VCPIP1: variants seen among roughly 807,000 people sequenced by gnomAD.
The protein encoded by VCPIP1 is deubiquitinating protein VCPIP1.
In VCPIP1, 8 loss-of-function variants were observed where a neutral mutation model predicts 85.0. The observed-to-expected ratio is 0.09, with a 90% CI of 0.06 to 0.17. The LOEUF (loss-of-function observed/expected upper bound fraction) is 0.17. Ranked by LOEUF, VCPIP1 falls within the 10% of genes least tolerant of loss-of-function variation. The pLI, the probability that VCPIP1 is intolerant of heterozygous loss-of-function variation, is 1.00. For synonymous variants in VCPIP1, 543 were observed against 544.5 expected, an observed-to-expected ratio of 1.00 and a Z score of 0.04; for missense variants, 1,070 against 1,486.3, an observed-to-expected ratio of 0.72 and a Z score of 4.61.
In VCPIP1 at chr8:66,665,363, C is replaced by A; in HGVS notation, c.1596G>T (p.Met532Ile). Reference protein sequence around the residue: ...VKDVLVPDYGMSNLTACNWCH... With the variant: ...VKDVLVPDYGISNLTACNWCH... The stretch of plus-strand genomic sequence containing the variant: ...ACCAATTACAAGCTGTTAGGTTACT[C>A]ATTCCATAGTCTGGTACCAGAACAT... The change falls in exon 1 of 3, where the codon ATG (methionine) becomes ATT (isoleucine). Residue 532 changes from methionine (M) to isoleucine (I), a missense_variant. By Grantham distance (10) the Met-to-Ile change is conservative (BLOSUM62 1). Coordinates refer to ENST00000310421, the MANE Select transcript of VCPIP1 (RefSeq NM_025054.5). The surrounding 1 kb of genome is among the most constrained non-coding windows in gnomAD (Gnocchi z 4.3). 1 of 1,614,142 alleles carries A rather than the reference C, an allele frequency of 6.2e-7. No individual in the cohort carries two copies. Among genetic ancestry groups the A allele is most frequent in the Non-Finnish European group, 8.5e-7 (1 of 1,179,986 alleles).
rs750894538 is a variant in VCPIP1 at position 66,638,936 on chromosome 8, TTCTCTCTCTCTC to T, written c.2798-3576_2798-3565del. Among the ~76,000 whole-genome samples, 346 of 131,674 alleles carry T rather than the reference TTCTCTCTCTCTC, an allele frequency of 2.6e-3. 5 individuals are homozygous for T. The highest frequency in any genetic ancestry group is 9.1e-3 in the African/African-American group (288 of 31,704). 86.4% of individuals were successfully genotyped at this position (131,674 alleles called of 152,430 possible). On this transcript the variant is annotated intron_variant, in intron 2 of 2. Coordinates refer to ENST00000310421, the MANE Select transcript of VCPIP1 (RefSeq NM_025054.5). ...CTGTACAAAAACCTGCAAGAAAACT[TTCTCTCTCTCTC>T]TCTCTCTCTCTCTCTCTCTCTCTAT... is the stretch of plus-strand genomic sequence containing the variant.
chr8:66,665,611 G>C lies in VCPIP1; in HGVS notation c.1348C>G (p.Pro450Ala), dbSNP rs1244596232. ...TTAGCAGCTGCTGTGACTTCCTCAGGCTGAACTCCTATCACTCCAGTCCTT... is the reference window on the plus strand; with the variant it reads ...TTAGCAGCTGCTGTGACTTCCTCAGCCTGAACTCCTATCACTCCAGTCCTT... Reference protein sequence around the residue: ...YRRTGVIGVQPEEVTAAAKKA... With the variant: ...YRRTGVIGVQAEEVTAAAKKA... Residue 450 changes from proline to alanine, a missense_variant, in exon 1 of 3, where the codon CCT becomes GCT. By Grantham distance (27) the Pro-to-Ala change is conservative. Coordinates refer to ENST00000310421, the MANE Select transcript of VCPIP1 (RefSeq NM_025054.5). This position sits in a 1 kb window ranked among gnomAD's most constrained non-coding sequence, Gnocchi z 4.3. The C allele has an allele frequency of 5.0e-6, 8 of 1,614,134 alleles. No individual in the cohort carries two copies. The highest frequency in any genetic ancestry group is 6.8e-6 in the Non-Finnish European group (8 of 1,180,022).
At position 66,634,533 on chromosome 8, in the gene VCPIP1, T is replaced by C. The variant is rs762730114; in HGVS notation, c.3637A>G (p.Thr1213Ala). The change falls in exon 3 of 3, where the codon ACT becomes GCT. Residue 1213 changes from threonine (T) to alanine (A), a missense_variant. By Grantham distance (58) the Thr-to-Ala change is moderately conservative. Coordinates refer to ENST00000310421, the MANE Select transcript of VCPIP1 (RefSeq NM_025054.5). ...EEMDSQDAEM[T>A]NTTEPMDHS ...TGATCCATTGGCTCAGTTGTGTTAG[T>C]CATCTCAGCATCTTGACTATCCATC... 1.2e-6 allele frequency: 2 copies of C among 1,609,614 alleles called. No homozygotes were observed. The highest frequency in any genetic ancestry group is 4.5e-5 in the East Asian group (2 of 44,870).
intron 2 of VCPIP1, among the ~76,000 whole-genome samples, chr8:66,638,936 T>TTCTCTCTCTCTCTC (rs750894538): frequency 2.7e-4 from 35 of 131,650 alleles, no homozygotes; most frequent in African/African-American, 5.0e-4. Context: ...CAAGAAAACT[T>TTCTCTCTCTCTCTC]TCTCTCTCTC....
intron 1 of VCPIP1, among the ~76,000 whole-genome samples, chr8:66,656,624 T>C (rs999782013): frequency 1.6e-4 from 25 of 152,282 alleles, no homozygotes; most frequent in Non-Finnish European, 2.6e-4. Flanking sequence ...ATTTATTTAT[T>C]TTTGAGACAG....
intron 1 of VCPIP1, among the ~76,000 whole-genome samples, chr8:66,662,015 C>G (rs1811163099): frequency 6.6e-6 from 1 of 151,904 alleles, no homozygotes; most frequent in Admixed American, 6.6e-5. Flanking sequence ...GATCTGCCCG[C>G]CTCAGCCTCC....
chr8:66,637,068 C>T (rs903205362), intron 2 of VCPIP1, among the ~76,000 whole-genome samples: 4 of 152,116 alleles, frequency 2.6e-5, no homozygotes, highest in Non-Finnish European at 4.4e-5. Context: ...TCCAGCCAGG[C>T]GTGGTGGCTC....
At chr8:66,643,344 T>TA (rs1419609516) in intron 2 of VCPIP1, among the ~76,000 whole-genome samples, 5 of 144,168 alleles carry the variant, frequency 3.5e-5, no homozygotes, top group Non-Finnish European at 7.7e-5. Context: ...AAAAAGATGT[T>TA]AAAAAAAAGG....
At chr8:66,662,425 A>G (rs1461746924) in intron 1 of VCPIP1, among the ~76,000 whole-genome samples, 1 of 152,078 alleles carries the variant, frequency 6.6e-6, no homozygotes, top group African/African-American at 2.4e-5. Context: ...ACTTTTTTCA[A>G]TGTTCAGTGC....
chr8:66,659,252 A>G (rs950654945), intron 1 of VCPIP1, among the ~76,000 whole-genome samples: 2 of 150,400 alleles, frequency 1.3e-5, no homozygotes, highest in Non-Finnish European at 1.5e-5. Flanking sequence ...ACTGGAGTGC[A>G]GTGGCGCAAT....
chr8:66,652,010 CAAAAAA>C lies in VCPIP1; in HGVS notation c.2711-472_2711-467del, dbSNP rs113576250. Among the ~76,000 whole-genome samples, 3 of 73,552 alleles carry C rather than the reference CAAAAAA, an allele frequency of 4.1e-5. No individual in the cohort carries two copies. The South Asian group carries it at 1.2e-3, about 28-fold the overall frequency. 48.3% of individuals were successfully genotyped at this position (73,552 alleles called of 152,430 possible). On this transcript the variant is annotated intron_variant, in intron 1 of 2. Coordinates refer to ENST00000310421, the MANE Select transcript of VCPIP1 (RefSeq NM_025054.5). ...GCAACATGGCGAAACTCTATCTCTA[CAAAAAA>C]AAAAAAAAAAAATAGCTGGACGTGG...
chr8:66,640,157 A>C (rs891699539), intron 2 of VCPIP1, among the ~76,000 whole-genome samples: 2 of 152,202 alleles, frequency 1.3e-5, no homozygotes, highest in Admixed American at 6.5e-5. Context: ...AAATATCAGA[A>C]AAAAATTCTA....
intron 2 of VCPIP1, among the ~76,000 whole-genome samples, chr8:66,645,829 G>A (rs1810990291): frequency 6.6e-6 from 1 of 151,744 alleles, no homozygotes; most frequent in South Asian, 2.1e-4. Flanking sequence ...TACTCAGAAG[G>A]CCAAGGTGGG....
At chr8:66,655,290 AT>A (rs1811088903) in intron 1 of VCPIP1, among the ~76,000 whole-genome samples, 1 of 152,204 alleles carries the variant, frequency 6.6e-6, no homozygotes, top group Non-Finnish European at 1.5e-5. Context: ...GGTTGAATGA[AT>A]GTATAGATGC....
At chr8:66,649,148 C>A (rs1449357661) in intron 2 of VCPIP1, among the ~76,000 whole-genome samples, 2 of 151,598 alleles carry the variant, frequency 1.3e-5, no homozygotes, top group African/African-American at 4.9e-5. Context: ...CCAGCCTGGG[C>A]AACAGAGCAA....
chr8:66,650,860 CAAAAAAAAAAAAAAAAA>C (rs770736039), intron 2 of VCPIP1, among the ~76,000 whole-genome samples: 2 of 13,916 alleles, frequency 1.4e-4, no homozygotes, highest in Non-Finnish European at 2.9e-4. Flanking sequence ...GACTTCGTCT[CAAAAAAAAAAAAAAAAA>C]AAAAAAAAAA....
chr8:66,644,794 T>TA (rs112573575), intron 2 of VCPIP1, among the ~76,000 whole-genome samples: 3,909 of 137,410 alleles, frequency 0.028, 161 homozygotes, highest in African/African-American at 0.088. Context: ...AAGGGCAATG[T>TA]AAAAAAAAAA....
At chr8:66,662,041 A>T (rs1811163275) in intron 1 of VCPIP1, among the ~76,000 whole-genome samples, 1 of 151,970 alleles carries the variant, frequency 6.6e-6, no homozygotes, top group South Asian at 2.1e-4. Context: ...TGCTGGGATT[A>T]CAGGCATGAG....
chr8:66,662,288 A>T (rs1325684861), intron 1 of VCPIP1, among the ~76,000 whole-genome samples: 1 of 152,200 alleles, frequency 6.6e-6, no homozygotes, highest in Admixed American at 6.5e-5. Context: ...CACAGTCAGG[A>T]TTGTTCAAAT....
Sources: gnomAD v4.1 joint callset for allele counts (sites outside exome capture counted in the v4.1 genomes callset) on GRCh38, gnomAD v4.1.1 for gene constraint, Gnocchi (gnomAD v3.1) non-coding constraint, MANE v1.5 for transcripts, NCBI Gene and HGNC (gene_info 2026-07-23, HGNC 2026-07-21) for gene names.